RNF14: variants seen among roughly 807,000 people sequenced by gnomAD.
The protein encoded by RNF14 is ring finger protein 14, also known as E3 ubiquitin-protein ligase RNF14.
In RNF14, 26 loss-of-function variants were observed where a neutral mutation model predicts 52.6. That is an observed-to-expected ratio of 0.49 (90% CI 0.36 to 0.69). The LOEUF (loss-of-function observed/expected upper bound fraction) is 0.69, where lower values mean the gene tolerates loss of function less well. RNF14 is among the 30% of genes least tolerant of loss of function. RNF14 has a pLI of 0.00. For missense variants in RNF14, 404 were observed against 560.4 expected, an observed-to-expected ratio of 0.72 and a Z score of 2.82; for synonymous variants, 194 against 202.0, an observed-to-expected ratio of 0.96 and a Z score of 0.34.
At chr5:141,955,114 T>C (rs569368318), upstream of RNF14, 2 of 1,614,220 alleles carry the variant, frequency 1.2e-6, no homozygotes, top group East Asian at 2.2e-5. This position sits in a 1 kb window ranked among gnomAD's most constrained non-coding sequence, Gnocchi z 5.5. Context: ...GAGATGTCGC[T>C]GCCGTCTCAG....
At chr5:141,972,810 C>T (rs1183986119) in intron 2 of RNF14, among the ~76,000 whole-genome samples, 17 of 151,996 alleles carry the variant, frequency 1.1e-4, no homozygotes, top group East Asian at 1.9e-4. Flanking sequence ...AGGCTGGTCT[C>T]GAACTCCTGA....
chr5:141,962,170 T>G (rs185306606), upstream of RNF14, among the ~76,000 whole-genome samples: 1 of 152,218 alleles, frequency 6.6e-6, no homozygotes, highest in Non-Finnish European at 1.5e-5. Context: ...CAGGGCACTT[T>G]GTGGACTTTG....
At chr5:141,985,157 A>G (rs1177758088) in intron 8 of RNF14, among the ~76,000 whole-genome samples, 5 of 152,072 alleles carry the variant, frequency 3.3e-5, no homozygotes, top group African/African-American at 1.2e-4. Flanking sequence ...AAACACAGAA[A>G]ATTTGAAAGG....
At chr5:141,950,301 C>T in the RNF14 span, among the ~76,000 whole-genome samples, 1 of 152,126 alleles carries the variant, frequency 6.6e-6, no homozygotes, top group African/African-American at 2.4e-5. Flanking sequence ...GGGAAGGCTA[C>T]CTGAGGGGTT....
At chr5:141,952,163 G>A in the RNF14 span, among the ~76,000 whole-genome samples, 1 of 152,156 alleles carries the variant, frequency 6.6e-6, no homozygotes, top group Non-Finnish European at 1.5e-5. Flanking sequence ...CCCTCAGCGT[G>A]GTCACATCTG....
chr5:141,950,466 A>G, the RNF14 span, among the ~76,000 whole-genome samples: 2 of 152,192 alleles, frequency 1.3e-5, no homozygotes, highest in South Asian at 2.1e-4. Flanking sequence ...TATGCGATGC[A>G]AGGTCCATGC....
At chr5:141,959,834 CACTGCACAAGGG>C (rs1199894688) in intron 1 of RNF14, among the ~76,000 whole-genome samples, 2 of 152,182 alleles carry the variant, frequency 1.3e-5, no homozygotes, top group African/African-American at 2.4e-5. Flanking sequence ...AGCTCTGAGA[CACTGCACAAGGG>C]ACTTAACCTC....
At chr5:141,977,097 G>C (rs560992879) in intron 4 of RNF14, among the ~76,000 whole-genome samples, 1 of 152,336 alleles carries the variant, frequency 6.6e-6, no homozygotes, top group Non-Finnish European at 1.5e-5. Context: ...AGCCCCAGCT[G>C]CCTCTCTTGA....
chr5:141,954,820 C>T, upstream of RNF14: 1 of 1,029,426 alleles, frequency 9.7e-7, no homozygotes, highest in Non-Finnish European at 1.4e-6. Context: ...GATCACAAAG[C>T]TGTGCCCTGA....
At chr5:141,980,045 T>A in intron 5 of RNF14, 78 bp from the exon 6 acceptor site, 3 of 1,143,852 alleles carry the variant, frequency 2.6e-6, no homozygotes, top group East Asian at 2.4e-5. Context: ...TGGTTTACAC[T>A]AGCATCCTAA....
At chr5:141,981,148 C>T (rs771328984) in intron 6 of RNF14, among the ~76,000 whole-genome samples, 13 of 152,084 alleles carry the variant, frequency 8.5e-5, no homozygotes, top group Admixed American at 3.9e-4. Context: ...AATAACTTCA[C>T]GGGGTTATTC....
upstream of RNF14, among the ~76,000 whole-genome samples, chr5:141,954,009 G>T (rs1596645648): frequency 6.6e-6 from 1 of 152,206 alleles, no homozygotes; most frequent in Non-Finnish European, 1.5e-5. Context: ...CTTGTGTCTA[G>T]AAAATCCCAG....
At chr5:141,964,500 C>T (rs1269540429), upstream of RNF14, among the ~76,000 whole-genome samples, 1 of 152,210 alleles carries the variant, frequency 6.6e-6, no homozygotes, top group East Asian at 1.9e-4. Flanking sequence ...GCTTAGTTAA[C>T]ATACAGCACT....
At chr5:141,952,385 G>A in the RNF14 span, 1 of 152,232 alleles carries the variant, frequency 6.6e-6, no homozygotes, top group Non-Finnish European at 1.5e-5. Flanking sequence ...ATGTTACTGA[G>A]TTCATACCAC....
chr5:141,968,724 G>A (rs252134), upstream of RNF14, among the ~76,000 whole-genome samples: 96,970 of 152,100 alleles, frequency 0.64, 31,792 homozygotes, highest in East Asian at 0.98. Flanking sequence ...CGATGAATGC[G>A]TGCTTCCACA....
Position 141,971,590 on chromosome 5 carries a change from T to TC in RNF14, c.-7+714dup, listed in dbSNP as rs1408939685. 1.8e-4 allele frequency among the ~76,000 whole-genome samples: 24 copies of TC among 134,594 alleles called. 1 individual carries two copies. The highest frequency in any genetic ancestry group is 3.7e-4 in the Non-Finnish European group (23 of 62,662). 88.3% of individuals were successfully genotyped at this position (134,594 alleles called of 152,430 possible). A position where few individuals can be genotyped will look rare whatever the true frequency, so the allele number is the denominator to read the frequency against. ...TTCTTTCTTTCTTTCTTTCTTTCTT[T>TC]CTTTCTTTCTTTCTTTCTTTCCTTT... On this transcript the variant is annotated intron_variant, in intron 2 of 8. Transcript: ENST00000394520.
upstream of RNF14, chr5:141,956,594 TG>T: frequency 6.2e-7 from 1 of 1,614,258 alleles, no homozygotes; most frequent in Non-Finnish European, 8.5e-7. Context: ...CACTGCTCTC[TG>T]TCCAGTGTGG....
chr5:141,973,807 ATTTGTCAT>A, intron 3 of RNF14, 65 bp downstream of exon 3: 2 of 1,371,032 alleles, frequency 1.5e-6, no homozygotes, highest in South Asian at 2.9e-5. Flanking sequence ...ACCTTAAACT[ATTTGTCAT>A]TTTGTGTTTT....
At chr5:141,975,645 C>G (rs561899432) in intron 4 of RNF14, among the ~76,000 whole-genome samples, 12 of 152,040 alleles carry the variant, frequency 7.9e-5, no homozygotes, top group Non-Finnish European at 1.8e-4. Context: ...ATAAAGCATT[C>G]TGGGAGAGAT....
Sources: allele counts gnomAD v4.1 joint callset (sites outside exome capture counted in the v4.1 genomes callset), GRCh38; gene constraint gnomAD v4.1.1; non-coding constraint Gnocchi (gnomAD v3.1); transcripts MANE v1.5; gene names NCBI Gene and HGNC (gene_info 2026-07-23, HGNC 2026-07-21).